ANKFY1: variants seen among roughly 807,000 people sequenced by gnomAD.
ANKFY1 encodes ankyrin repeat and FYVE domain-containing protein 1.
Under a neutral mutation model 128.3 loss-of-function variants are expected in ANKFY1, and 47 were observed. That is an observed-to-expected ratio of 0.37 (90% confidence interval 0.29 to 0.47). ANKFY1 has a LOEUF of 0.47. Ranked by LOEUF, ANKFY1 falls within the 20% of genes least tolerant of loss-of-function variation. ANKFY1 has a pLI of 1.00. For missense variants in ANKFY1, 1,222 were observed against 1,510.6 expected (o/e 0.81, Z 3.17); for synonymous variants, 553 against 601.6 (o/e 0.92, Z 1.18).
intron 3 of ANKFY1, chr17:4,223,664 G>A (rs950284734): frequency 2.4e-5 from 39 of 1,599,230 alleles, no homozygotes; most frequent in East Asian, 1.6e-4. Flanking sequence ...CGAGATGGCC[G>A]CATACCTGAA....
intron 1 of ANKFY1, among the ~76,000 whole-genome samples, chr17:4,260,345 G>T (rs1020338012): frequency 1.3e-5 from 2 of 152,044 alleles, no homozygotes; most frequent in African/African-American, 4.8e-5. Flanking sequence ...GGCTGGGAGC[G>T]GTGGCTCACA....
At chr17:4,192,401 C>G (rs3931098) in intron 10 of ANKFY1, among the ~76,000 whole-genome samples, 44,818 of 145,954 alleles carry the variant, frequency 0.31, 7,816 homozygotes, top group Admixed American at 0.38. Flanking sequence ...CTGCTCTAAT[C>G]TGGAGACTCC....
intron 1 of ANKFY1, among the ~76,000 whole-genome samples, chr17:4,261,963 C>T (rs971148943): frequency 1.3e-5 from 2 of 152,206 alleles, no homozygotes; most frequent in African/African-American, 2.4e-5. Context: ...TTTTCTTACT[C>T]CTCTGCCTTC....
intron 1 of ANKFY1, among the ~76,000 whole-genome samples, chr17:4,247,197 G>A (rs1967589126): frequency 6.6e-6 from 1 of 152,050 alleles, no homozygotes; most frequent in South Asian, 2.1e-4. Context: ...TTCAAATGGA[G>A]GAGATCCTGA....
At position 4,249,058 on chromosome 17, in the gene ANKFY1, T is replaced by C. The variant is rs185424739; in HGVS notation, c.11-6610A>G. 1.3e-5 allele frequency: 11 copies of C among 873,554 alleles called. No individual in the cohort carries two copies. In the East Asian group the frequency reaches 1.3e-3, roughly 106 times the overall value. 54.1% of individuals were successfully genotyped at this position (873,554 alleles called of 1,614,324 possible). A position where few individuals can be genotyped will look rare whatever the true frequency, so the allele number is the denominator to read the frequency against. On this transcript the variant is annotated intron_variant, in intron 1 of 24. Coordinates refer to ENST00000341657, the MANE Select transcript of ANKFY1 (RefSeq NM_001330063.2). ...AGCCTAAAATAAAGAGTGCAATGTCTACTGCAAAAAAGTAGTTAATCAGCA... is the reference window on the plus strand; with the variant it reads ...AGCCTAAAATAAAGAGTGCAATGTCCACTGCAAAAAAGTAGTTAATCAGCA...
At position 4,172,552 on chromosome 17, in the gene ANKFY1, A is replaced by G; in HGVS notation, c.3139+4T>C. 6.2e-7 allele frequency: 1 copy of G among 1,613,202 alleles called. No individual in the cohort carries two copies. Among genetic ancestry groups the G allele is most frequent in the South Asian group, 1.1e-5 (1 of 90,954 alleles). On this transcript the variant is annotated splice_donor_region_variant and intron_variant, in intron 22 of 24. Coordinates refer to ENST00000341657, the MANE Select transcript of ANKFY1 (RefSeq NM_001330063.2). Reference sequence around the variant, plus strand: ...ACGGGACATACCCAGCCCTTGGTACACACCCGTGCTGCCGTCTGCATCCGG... The same window carrying G: ...ACGGGACATACCCAGCCCTTGGTACGCACCCGTGCTGCCGTCTGCATCCGG...
Position 4,216,969 on chromosome 17 carries a change from C to T in ANKFY1, c.458+14G>A, listed in dbSNP as rs774768499. ...CACCATCTGAGGTGCTTGAATATAT[C>T]TGCTGTGACTTGCCTCTCCCTGAGG... On this transcript the variant is annotated intron_variant, in intron 4 of 24. Transcript: ENST00000341657. The T allele has an allele frequency of 3.7e-6, 6 of 1,613,992 alleles. No homozygotes were observed. Among genetic ancestry groups the T allele is most frequent in the South Asian group, 2.2e-5 (2 of 91,048 alleles).
intron 1 of ANKFY1, 41 bp from the exon 2 acceptor site, chr17:4,242,489 G>A (rs1405026539): frequency 6.7e-7 from 1 of 1,487,396 alleles, no homozygotes; most frequent in Non-Finnish European, 8.9e-7. Context: ...GTGGCTGCTG[G>A]AAAGCAGGTG....
chr17:4,217,627 A>G (rs1402547290), intron 3 of ANKFY1, among the ~76,000 whole-genome samples: 1 of 152,210 alleles, frequency 6.6e-6, no homozygotes, highest in Non-Finnish European at 1.5e-5. Context: ...TAAACCTACT[A>G]AAGATATGTC....
At chr17:4,179,346 T>G in intron 17 of ANKFY1, 2 of 537,000 alleles carry the variant, frequency 3.7e-6, no homozygotes, top group Non-Finnish European at 6.7e-6. Flanking sequence ...CTATAGGGCC[T>G]TATATATAAA....
intron 1 of ANKFY1, among the ~76,000 whole-genome samples, chr17:4,258,360 C>G (rs951955770): frequency 6.6e-6 from 1 of 151,998 alleles, no homozygotes; most frequent in African/African-American, 2.4e-5. Flanking sequence ...CTCATCTCTA[C>G]CAAAAATACA....
intron 10 of ANKFY1, among the ~76,000 whole-genome samples, chr17:4,190,060 G>A (rs1193784983): frequency 6.6e-6 from 1 of 152,224 alleles, no homozygotes; most frequent in Non-Finnish European, 1.5e-5. Flanking sequence ...GGACATTTTG[G>A]ACAGGATAAA....
At chr17:4,229,896 T>C (rs2060486312) in intron 3 of ANKFY1, among the ~76,000 whole-genome samples, 1 of 152,220 alleles carries the variant, frequency 6.6e-6, no homozygotes, top group Non-Finnish European at 1.5e-5. Context: ...ACTCCATTCA[T>C]TAGAGGTGAA....
intron 7 of ANKFY1, among the ~76,000 whole-genome samples, chr17:4,200,711 G>A (rs2059912341): frequency 6.6e-6 from 1 of 152,180 alleles, no homozygotes. Context: ...TTAATTTATG[G>A]ATCTTTCCAT....
At chr17:4,208,189 T>C in intron 5 of ANKFY1, 107 bp from the exon 6 acceptor site, 3 of 1,084,096 alleles carry the variant, frequency 2.8e-6, no homozygotes, top group Non-Finnish European at 3.8e-6. Context: ...CTTTAAGGGC[T>C]TAACCTTTCC....
chr17:4,228,864 G>C (rs1165878449), intron 3 of ANKFY1, among the ~76,000 whole-genome samples: 1 of 152,162 alleles, frequency 6.6e-6, no homozygotes, highest in Non-Finnish European at 1.5e-5. Flanking sequence ...CAAACTGACA[G>C]GCAGCACGGC....
intron 23 of ANKFY1, 72 bp downstream of exon 23, chr17:4,170,643 C>A (rs1158801598): frequency 2.6e-6 from 4 of 1,532,530 alleles, no homozygotes; most frequent in Non-Finnish European, 3.5e-6. Flanking sequence ...TGAAAGATCA[C>A]CAATACAATA....
Position 4,167,855 on chromosome 17 carries a change from A to G in ANKFY1, c.3434T>C (p.Ile1145Thr), listed in dbSNP as rs200588304. ...CACAGGCTTGTTCAGATCAAACTTT[A>G]TAATAGGAATCTCCTTGGTCGAGCA... ...HKCSTKEIPI[I>T]KFDLNKPVRV... is the part of the protein sequence containing the mutation. Residue 1145 changes from isoleucine to threonine, a missense_variant, in exon 25 of 25, where the codon ATA (isoleucine) becomes ACA (threonine). Ile to Thr is a moderately conservative substitution (Grantham distance 89, BLOSUM62 -1). Coordinates refer to ENST00000341657, the MANE Select transcript of ANKFY1 (RefSeq NM_001330063.2). This position sits in a 1 kb window ranked among gnomAD's most constrained non-coding sequence, Gnocchi z 4.1. 5.0e-6 allele frequency: 8 copies of G among 1,614,102 alleles called. No individual in the cohort carries two copies. The highest frequency in any genetic ancestry group is 6.8e-6 in the Non-Finnish European group (8 of 1,179,976).
chr17:4,245,557 G>A (rs989685283), intron 1 of ANKFY1, among the ~76,000 whole-genome samples: 3 of 151,532 alleles, frequency 2.0e-5, no homozygotes, highest in African/African-American at 7.3e-5. Flanking sequence ...CCAGGGCTAC[G>A]TTGTCTTGCA....
Sources: allele counts gnomAD v4.1 joint callset (sites outside exome capture counted in the v4.1 genomes callset), GRCh38; gene constraint gnomAD v4.1.1; non-coding constraint Gnocchi (gnomAD v3.1); transcripts MANE v1.5; gene names NCBI Gene and HGNC (gene_info 2026-07-23, HGNC 2026-07-21).